The following SCEL variants were observed in gnomAD, a reference collection of about 807,000 sequenced individuals.
SCEL encodes the protein sciellin.
Under a neutral mutation model 117.6 loss-of-function variants are expected in SCEL, and 113 were observed. The observed-to-expected ratio is 0.96, with a 90% CI of 0.83 to 1.12. The LOEUF is 1.12. SCEL is among the 50% of genes most tolerant of loss of function. The probability of loss-of-function intolerance (pLI) is 0.00; values close to 1 mark genes in which losing one functional copy is unlikely to be tolerated. For synonymous variants in SCEL, 270 were observed against 256.2 expected (o/e 1.05, Z -0.51); for missense variants, 785 against 810.8 (o/e 0.97, Z 0.39).
At chr13:77,639,067 A>G (rs984100071) in intron 30 of SCEL, among the ~76,000 whole-genome samples, 1 of 152,142 alleles carries the variant, frequency 6.6e-6, no homozygotes, top group Non-Finnish European at 1.5e-5. Flanking sequence ...ACAATCATGC[A>G]TGTTATATCA....
chr13:77,627,098 A>G (rs2089777060), intron 27 of SCEL, among the ~76,000 whole-genome samples: 2 of 152,174 alleles, frequency 1.3e-5, no homozygotes, highest in African/African-American at 4.8e-5. Flanking sequence ...ATAATGAATT[A>G]TTTATTCAAA....
intron 27 of SCEL, among the ~76,000 whole-genome samples, chr13:77,626,847 A>G (rs2089760655): frequency 6.6e-6 from 1 of 152,100 alleles, no homozygotes; most frequent in African/African-American, 2.4e-5. Flanking sequence ...AGAATGGTTG[A>G]CTAACTTGGT....
chr13:77,625,443 A>G (rs1395435141), intron 27 of SCEL, among the ~76,000 whole-genome samples: 1 of 152,250 alleles, frequency 6.6e-6, no homozygotes, highest in Non-Finnish European at 1.5e-5. Context: ...GCAGTTATGT[A>G]GAAGAATTCA....
intron 9 of SCEL, 121 bp from the exon 10 acceptor site, chr13:77,589,023 C>G: frequency 1.4e-6 from 1 of 707,482 alleles, no homozygotes; most frequent in Non-Finnish European, 2.5e-6. Flanking sequence ...AGGTACCTCA[C>G]ACATGGGGGT....
intron 1 of SCEL, among the ~76,000 whole-genome samples, chr13:77,547,427 A>T (rs1046875313): frequency 4.6e-5 from 7 of 152,280 alleles, no homozygotes; most frequent in Admixed American, 3.9e-4. Context: ...TTACTGGTTG[A>T]CAAAAAGGTA....
At chr13:77,578,418 G>A (rs1594002669) in intron 9 of SCEL, among the ~76,000 whole-genome samples, 1 of 152,052 alleles carries the variant, frequency 6.6e-6, no homozygotes, top group African/African-American at 2.4e-5. Flanking sequence ...ATCATGATGG[G>A]AGTCCCAGAG....
At position 77,556,634 on chromosome 13, in the gene SCEL, C is replaced by T. The variant is rs748126633; in HGVS notation, c.82C>T (p.Gln28Ter). 12 of 1,613,912 alleles carry T rather than the reference C, an allele frequency of 7.4e-6. No individual in the cohort carries two copies. The Admixed American group carries it at 8.3e-5, about 11-fold the overall frequency. ...STTQGTTRKQ[Q>*]DFHEVNKRRT... ...CACTCAGGGAACCACACGGAAGCAG[C>T]AGGATTTTCACGAGGTGAACAAAAG... Residue 28 changes from glutamine (Q) to a stop codon, truncating the protein, a stop_gained, in exon 3 of 33, where the codon CAG becomes TAG. Coordinates refer to ENST00000349847, the MANE Select transcript of SCEL (RefSeq NM_144777.3). LOFTEE classifies it high-confidence loss of function.
chr13:77,604,172 C>A, intron 18 of SCEL, 184 bp from the exon 19 acceptor site: 1 of 412,166 alleles, frequency 2.4e-6, no homozygotes, highest in Non-Finnish European at 4.2e-6. Flanking sequence ...AACAAATAAG[C>A]AACATTAAAT....
At chr13:77,556,481 C>A in intron 2 of SCEL, 115 bp from the exon 3 acceptor site, 1 of 819,168 alleles carries the variant, frequency 1.2e-6, no homozygotes. Flanking sequence ...ACTGGACTTG[C>A]CAGCCCAGAT....
chr13:77,579,034 A>G (rs1376062523), intron 9 of SCEL, among the ~76,000 whole-genome samples: 2 of 152,190 alleles, frequency 1.3e-5, no homozygotes, highest in African/African-American at 4.8e-5. Context: ...TGGGGGGCTA[A>G]GGTTACATGG....
intron 1 of SCEL, among the ~76,000 whole-genome samples, chr13:77,541,969 G>C (rs1035730663): frequency 6.6e-6 from 1 of 152,190 alleles, no homozygotes; most frequent in Non-Finnish European, 1.5e-5. Flanking sequence ...ACTGAAAATA[G>C]CCCCTGATGG....
At chr13:77,558,640 C>A (rs2084794294) in intron 3 of SCEL, among the ~76,000 whole-genome samples, 1 of 151,586 alleles carries the variant, frequency 6.6e-6, no homozygotes, top group Admixed American at 6.6e-5. Context: ...AGGAAGAAAC[C>A]CTGTCTCTAC....
chr13:77,598,058 C>T (rs972158259), intron 13 of SCEL, among the ~76,000 whole-genome samples: 6 of 152,102 alleles, frequency 3.9e-5, no homozygotes, highest in East Asian at 1.9e-4. Flanking sequence ...ACCTCCTGGC[C>T]GCTAGCCATC....
chr13:77,556,853 A>T lies in SCEL; in HGVS notation c.161+140A>T, dbSNP rs1389012993. 3 of 654,200 alleles carry T rather than the reference A, an allele frequency of 4.6e-6. No individual in the cohort carries two copies. The African/African-American group carries it at 5.4e-5, about 12-fold the overall frequency. 40.5% of individuals were successfully genotyped at this position (654,200 alleles called of 1,614,324 possible). Reference sequence around the variant, plus strand: ...CATGGTCTAATTTTTGGTGAGACTTAGTAAGCACAAATAGGTTACATATCA... The same window carrying T: ...CATGGTCTAATTTTTGGTGAGACTTTGTAAGCACAAATAGGTTACATATCA... On this transcript the variant is annotated intron_variant, in intron 3 of 32. Transcript: ENST00000349847.
intron 27 of SCEL, 80 bp from the exon 28 acceptor site, chr13:77,627,867 T>G: frequency 2.0e-6 from 1 of 507,100 alleles, no homozygotes. Context: ...GATTATGTAC[T>G]GATTTTAAAA....
At chr13:77,569,344 T>A (rs758449104) in intron 7 of SCEL, 27 bp from the exon 8 acceptor site, 2 of 1,582,602 alleles carry the variant, frequency 1.3e-6, no homozygotes, top group African/African-American at 2.7e-5. Flanking sequence ...GAGAGTGGGA[T>A]TAATTGTTGT....
chr13:77,620,596 G>A (rs1381125742), intron 27 of SCEL, among the ~76,000 whole-genome samples: 2 of 152,162 alleles, frequency 1.3e-5, no homozygotes, highest in Non-Finnish European at 2.9e-5. Flanking sequence ...CATTTATTCA[G>A]TAAGAATTTG....
At chr13:77,592,022 C>T (rs1319912731) in intron 11 of SCEL, among the ~76,000 whole-genome samples, 3 of 152,006 alleles carry the variant, frequency 2.0e-5, no homozygotes, top group African/African-American at 7.2e-5. Flanking sequence ...TCTTTTTCTC[C>T]CTTTTCTAAG....
At chr13:77,597,949 G>A (rs2087351743) in intron 13 of SCEL, among the ~76,000 whole-genome samples, 1 of 150,768 alleles carries the variant, frequency 6.6e-6, no homozygotes, top group African/African-American at 2.5e-5. Flanking sequence ...TATTATCATA[G>A]TTAATGTTAT....
Sources: gnomAD v4.1 joint callset for allele counts (sites outside exome capture counted in the v4.1 genomes callset) on GRCh38, gnomAD v4.1.1 for gene constraint, MANE v1.5 for transcripts, NCBI Gene and HGNC (gene_info 2026-07-23, HGNC 2026-07-21) for gene names.